Variants in MUC5B observed in about 807,000 individuals in gnomAD.
The protein encoded by MUC5B is mucin-5B.
A neutral mutation model predicts 376.9 loss-of-function variants in MUC5B; 116 were observed. That is an observed-to-expected ratio of 0.31 (90% confidence interval 0.26 to 0.36). The LOEUF is 0.36. Among genes scored for constraint, MUC5B ranks in the 10% least tolerant of loss-of-function variants. The pLI is 1.00. For synonymous variants in MUC5B, 3,517 were observed against 3,390.9 expected, an observed-to-expected ratio of 1.04 and a Z score of -1.29; for missense variants, 7,165 against 7,769.9, an observed-to-expected ratio of 0.92 and a Z score of 2.93.
At position 1,250,839 on chromosome 11, in the gene MUC5B, C is replaced by T. The variant is rs1862661767; in HGVS notation, c.13959C>T (p.Thr4653=). The T allele has an allele frequency of 6.9e-6, 11 of 1,598,576 alleles. No homozygotes were observed. The South Asian group carries it at 7.7e-5, about 11-fold the overall frequency. Residue 4653 remains threonine (T), a synonymous_variant, in exon 31 of 49, where the codon ACC becomes ACT. Transcript: ENST00000529681. ...CCACCCACACCGCCAGAGTGCTGACCACCACCACCACAACTGTGGCCACTG... is the reference window on the plus strand; with the variant it reads ...CCACCCACACCGCCAGAGTGCTGACTACCACCACCACAACTGTGGCCACTG... ...PGTTHTARVL[T]TTTTTVATGS... is the part of the protein sequence containing the mutation.
rs1264375394 is a variant in MUC5B at position 1,246,944 on chromosome 11, C to A, written c.10064C>A (p.Thr3355Asn). ...STVTPSSIPG[T>N]THTATVLTTT... is the part of the protein sequence containing the mutation. ...GTGACCCCCTCCTCCATCCCGGGGA[C>A]CACCCACACCGCCACAGTGCTGACC... The change falls in exon 31 of 49, where the codon ACC becomes AAC. Residue 3355 changes from threonine (T) to asparagine (N), a missense_variant. Thr to Asn is a moderately conservative substitution (Grantham distance 65). Around this residue, in one of 31 missense-constraint regions of MUC5B, gnomAD observed 939 missense variants for 770.6 expected, o/e 1.22. Transcript: ENST00000529681. The A allele has an allele frequency of 6.2e-7, 1 of 1,605,782 alleles. No individual in the cohort carries two copies. Among genetic ancestry groups the A allele is most frequent in the African/African-American group, 1.3e-5 (1 of 74,546 alleles).
At position 1,234,249 on chromosome 11, in the gene MUC5B, G is replaced by A; in HGVS notation, c.2422G>A (p.Ala808Thr). ...GTACCTGGACTGCAGCAACAGCTCGGCGGGCACCCCTGGGGCCGAGTGCCT... is the reference window on the plus strand; with the variant it reads ...GTACCTGGACTGCAGCAACAGCTCGACGGGCACCCCTGGGGCCGAGTGCCT... Reference protein sequence around the residue: ...MVYLDCSNSSAGTPGAECLRS... With the variant: ...MVYLDCSNSSTGTPGAECLRS... The change falls in exon 20 of 49, where the codon GCG (alanine) becomes ACG (threonine). Residue 808 changes from alanine (A) to threonine (T), a missense_variant. Around this residue, in one of 31 missense-constraint regions of MUC5B, gnomAD observed 530 missense variants for 604.0 expected, o/e 0.88. Transcript: ENST00000529681. The surrounding 1 kb of genome is among the most constrained non-coding windows in gnomAD (Gnocchi z 6.3). 6.2e-7 allele frequency: 1 copy of A among 1,607,402 alleles called. No homozygotes were observed. The highest frequency in any genetic ancestry group is 8.5e-7 in the Non-Finnish European group (1 of 1,178,646).
chr11:1,235,040 G>A (rs1347935229), intron 21 of MUC5B, 45 bp from the exon 22 acceptor site: 1 of 1,576,260 alleles, frequency 6.3e-7, no homozygotes, highest in Middle Eastern at 1.9e-4. Flanking sequence ...AGGAAGGCCG[G>A]GAGAGCAGGC....
At chr11:1,224,612 G>A (rs1028246673) in intron 1 of MUC5B, among the ~76,000 whole-genome samples, 1 of 151,176 alleles carries the variant, frequency 6.6e-6, no homozygotes, top group African/African-American at 2.4e-5. Context: ...TGCCTGCGGC[G>A]GGAGCCGGGG....
intron 44 of MUC5B, 70 bp downstream of exon 44, chr11:1,259,131 CTG>C (rs1862931549): frequency 1.4e-6 from 2 of 1,423,402 alleles, no homozygotes; most frequent in African/African-American, 1.5e-5. Flanking sequence ...CCCGAGGCAC[CTG>C]CCCCCAGGTG....
chr11:1,227,526 T>C, intron 6 of MUC5B, 128 bp downstream of exon 6: 1 of 727,294 alleles, frequency 1.4e-6, no homozygotes, highest in African/African-American at 1.7e-5. Context: ...ACGAGGACTG[T>C]GCCCTACATG....
At position 1,259,995 on chromosome 11, in the gene MUC5B, C is replaced by G; in HGVS notation, c.16833C>G (p.Asp5611Glu). Residue 5611 changes from aspartate (D) to glutamate (E), a missense_variant, in exon 46 of 49, where the codon GAC becomes GAG. Physicochemically the swap from Asp to Glu is conservative, Grantham distance 45. This residue lies in a region of MUC5B where 842 missense variants were observed against 1,016.9 expected (regional missense o/e 0.83). Coordinates refer to ENST00000529681, the MANE Select transcript of MUC5B (RefSeq NM_002458.3). ...LNETWVNSHV[D>E]NCTVYLCEAE... ...AAACCTGGGTCAACAGCCATGTGGA[C>G]AACTGCACCGTGTACCTCTGTGAGG... 1 of 1,612,976 alleles carries G rather than the reference C, an allele frequency of 6.2e-7. No homozygotes were observed. Among genetic ancestry groups the G allele is most frequent in the Non-Finnish European group, 8.5e-7 (1 of 1,179,768 alleles).
At chr11:1,236,339 C>A (rs550931596) in intron 23 of MUC5B, 47 bp from the exon 24 acceptor site, 3 of 1,564,536 alleles carry the variant, frequency 1.9e-6, no homozygotes, top group Non-Finnish European at 2.6e-6. Context: ...AGGCCCCTCC[C>A]TGGGGGCCAC....
chr11:1,254,617 A>C, intron 34 of MUC5B, 77 bp from the exon 35 acceptor site: 1 of 1,432,406 alleles, frequency 7.0e-7, no homozygotes, highest in Non-Finnish European at 9.5e-7. Flanking sequence ...ATGGAGGCAG[A>C]GCCCCAAAGA....
At chr11:1,256,792 C>T (rs745821710) in intron 39 of MUC5B, 21 bp downstream of exon 39, 74 of 1,507,956 alleles carry the variant, frequency 4.9e-5, no homozygotes, top group Non-Finnish European at 5.9e-5. Flanking sequence ...CCACCTGTGG[C>T]GGGATACGAC....
rs1186846329 is a variant in MUC5B, at chr11:1,241,425, G to C, written c.4545G>C (p.Glu1515Asp). 6.2e-7 allele frequency: 1 copy of C among 1,613,348 alleles called. No homozygotes were observed. Among genetic ancestry groups the C allele is most frequent in the African/African-American group, 1.3e-5 (1 of 74,898 alleles). ...GTCAGTGGACAGAGTGGTTTGATGA[G>C]GACTACCCCAAGTCTGAACAACTTG... ...PRCQWTEWFD[E>D]DYPKSEQLGG... The change falls in exon 31 of 49, where the codon GAG becomes GAC. Residue 1515 changes from glutamate to aspartate, a missense_variant. This residue lies in a region of MUC5B where 517 missense variants were observed against 545.3 expected (regional missense o/e 0.95). Coordinates refer to ENST00000529681, the MANE Select transcript of MUC5B (RefSeq NM_002458.3).
chr11:1,233,538 C>T (rs968031806), intron 18 of MUC5B, among the ~76,000 whole-genome samples: 1 of 152,206 alleles, frequency 6.6e-6, no homozygotes, highest in African/African-American at 2.4e-5. Flanking sequence ...GGGTGGCCCC[C>T]ACTCCCACCC....
Position 1,248,573 on chromosome 11 carries a change from C to A in MUC5B, c.11693C>A (p.Thr3898Lys). ...PVWISTTTTP[T>K]TSGSTVTPSS... ...TGGATCAGCACAACCACCACACCCA[C>A]AACCAGTGGCTCCACGGTGACCCCC... The change falls in exon 31 of 49, where the codon ACA becomes AAA. Residue 3898 changes from threonine (T) to lysine (K), a missense_variant. Transcript: ENST00000529681. 1 of 1,613,068 alleles carries A rather than the reference C, an allele frequency of 6.2e-7. No individual in the cohort carries two copies. Among genetic ancestry groups the A allele is most frequent in the South Asian group, 1.1e-5 (1 of 91,048 alleles).
Position 1,234,328 on chromosome 11 carries a change from G to T in MUC5B, c.2478+23G>T. The T allele has an allele frequency of 6.5e-7, 1 of 1,545,046 alleles. No individual in the cohort carries two copies. Among genetic ancestry groups the T allele is most frequent in the South Asian group, 1.2e-5 (1 of 85,570 alleles). On this transcript the variant is annotated intron_variant, in intron 20 of 48. Coordinates refer to ENST00000529681, the MANE Select transcript of MUC5B (RefSeq NM_002458.3). This position sits in a 1 kb window ranked among gnomAD's most constrained non-coding sequence, Gnocchi z 6.3. ...TGTGTGAGTTCCATGCTTCAGGGAG[G>T]GGTGGGCAGGGAAGGGGTCCCAGCT...
At chr11:1,231,692 G>A (rs760460354) in intron 14 of MUC5B, 132 bp downstream of exon 14, 6 of 1,200,092 alleles carry the variant, frequency 5.0e-6, no homozygotes, top group South Asian at 1.6e-5. Context: ...GCATGGCGGA[G>A]ATCCTGGTGC....
intron 1 of MUC5B, 21 bp downstream of exon 1, chr11:1,223,214 C>A: frequency 1.4e-6 from 1 of 709,704 alleles, no homozygotes; most frequent in African/African-American, 1.7e-5. Flanking sequence ...CCCACTCCGC[C>A]CCCTCTCGAT....
At chr11:1,228,433 G>T (rs1861939475) in intron 7 of MUC5B, 131 bp from the exon 8 acceptor site, 2 of 838,264 alleles carry the variant, frequency 2.4e-6, no homozygotes, top group Non-Finnish European at 1.8e-6. Flanking sequence ...GGTGGAAGGG[G>T]TGGGGCTGGG....
intron 4 of MUC5B, 55 bp from the exon 5 acceptor site, chr11:1,226,976 G>T: frequency 1.3e-6 from 2 of 1,567,050 alleles, no homozygotes; most frequent in Non-Finnish European, 8.7e-7. Context: ...GGGGGGTTGG[G>T]TGGGCAGGCA....
rs373924712 is a variant in MUC5B at position 1,250,626 on chromosome 11, C to T, written c.13746C>T (p.Ser4582=). 125 of 1,612,752 alleles carry T rather than the reference C, an allele frequency of 7.8e-5. No individual in the cohort carries two copies. Among genetic ancestry groups the T allele is most frequent in the Admixed American group, 2.7e-4 (16 of 59,986 alleles). ...TGATGSVATP[S]STPGTAHTTK... The stretch of plus-strand genomic sequence containing the variant: ...CCACCGGCTCTGTGGCCACCCCCTC[C>T]TCCACCCCAGGAACAGCTCACACTA... Residue 4582 remains serine, a synonymous_variant, in exon 31 of 49, where the codon TCC becomes TCT. Transcript: ENST00000529681.
Sources: gnomAD v4.1 joint callset for allele counts (sites outside exome capture counted in the v4.1 genomes callset) on GRCh38, gnomAD v4.1.1 for gene constraint, gnomAD v4.1.1 regional missense constraint, Gnocchi (gnomAD v3.1) non-coding constraint, MANE v1.5 for transcripts, NCBI Gene and HGNC (gene_info 2026-07-23, HGNC 2026-07-21) for gene names.